The following NCR3LG1 variants were observed in gnomAD, a reference collection of about 807,000 sequenced individuals.
The protein encoded by NCR3LG1 is natural killer cell cytotoxicity receptor 3 ligand 1, also known as natural cytotoxicity triggering receptor 3 ligand 1.
NCR3LG1 carries 35 observed loss-of-function variants against 34.8 expected under a neutral mutation model. The ratio of observed to expected loss-of-function variants is 1.01; its 90% CI spans 0.77 to 1.33. The LOEUF is 1.33. Ranked by LOEUF, NCR3LG1 falls within the 40% of genes most tolerant of loss-of-function variation. NCR3LG1 has a pLI of 0.00. For synonymous variants in NCR3LG1, 173 were observed against 163.6 expected (o/e 1.06, Z -0.44); for missense variants, 452 against 423.3 (o/e 1.07, Z -0.60).
At position 17,368,973 on chromosome 11, in the gene NCR3LG1, C is replaced by T; in HGVS notation, c.858+9C>T. On this transcript the variant is annotated intron_variant, in intron 4 of 4. Coordinates refer to ENST00000338965, the MANE Select transcript of NCR3LG1 (RefSeq NM_001202439.3). ...TGATTCCTTGGAAAAAGGTAAGGGG[C>T]TCCAAAGCAAAGTTCAGCCCTGTGT... 6.6e-7 allele frequency: 1 copy of T among 1,509,960 alleles called. No homozygotes were observed. Among genetic ancestry groups the T allele is most frequent in the Non-Finnish European group, 8.9e-7 (1 of 1,125,362 alleles). 93.5% of individuals were successfully genotyped at this position (1,509,960 alleles called of 1,614,324 possible).
At chr11:17,363,689 C>A (rs1417312754) in intron 2 of NCR3LG1, among the ~76,000 whole-genome samples, 3 of 151,536 alleles carry the variant, frequency 2.0e-5, no homozygotes, top group Non-Finnish European at 4.4e-5. Context: ...CTAGTGGGCT[C>A]AAGCCCAAGT....
At chr11:17,357,966 G>A (rs57860856) in intron 2 of NCR3LG1, among the ~76,000 whole-genome samples, 165 of 152,222 alleles carry the variant, frequency 1.1e-3, no homozygotes, top group African/African-American at 3.5e-3. Context: ...GCCTCTCAAT[G>A]TGCTGGCATT....
intron 1 of NCR3LG1, among the ~76,000 whole-genome samples, chr11:17,354,545 C>CTTTTTTTTTT (rs71047545): frequency 2.0e-4 from 14 of 70,330 alleles, no homozygotes; most frequent in East Asian, 5.2e-4. Context: ...AATTCTTCTT[C>CTTTTTTTTTT]TTTTTTTTTT....
In NCR3LG1 at chr11:17,376,004, A is replaced by G. The variant is rs529656478; in HGVS notation, c.*3492A>G. On this transcript the variant is annotated 3_prime_UTR_variant, in exon 5 of 5. Transcript: ENST00000338965. Reference sequence around the variant, plus strand: ...CCTTTCACTTAGGAAAGCATAAGACATCAGTGCATCCAAAGATTGTTCTCA... The same window carrying G: ...CCTTTCACTTAGGAAAGCATAAGACGTCAGTGCATCCAAAGATTGTTCTCA... 6.6e-6 allele frequency: 1 copy of G among 152,230 alleles called. No homozygotes were observed. Among genetic ancestry groups the G allele is most frequent in the South Asian group, 2.1e-4 (1 of 4,828 alleles). The allele number at this position is 152,230 out of a possible 1,614,324, so 9.4% of individuals were successfully genotyped here.
chr11:17,358,279 A>G (rs1432239194), intron 2 of NCR3LG1, among the ~76,000 whole-genome samples: 2 of 152,166 alleles, frequency 1.3e-5, no homozygotes, highest in East Asian at 3.8e-4. Flanking sequence ...ACCACATTGC[A>G]TTTAATTGTT....
downstream of NCR3LG1, among the ~76,000 whole-genome samples, chr11:17,377,750 C>T (rs978095999): frequency 6.6e-6 from 1 of 152,190 alleles, no homozygotes; most frequent in Non-Finnish European, 1.5e-5. Context: ...TTAATCCTCC[C>T]TAGGCACTGG....
intron 1 of NCR3LG1, among the ~76,000 whole-genome samples, chr11:17,355,175 T>C (rs1953190563): frequency 6.6e-6 from 1 of 152,128 alleles, no homozygotes; most frequent in Non-Finnish European, 1.5e-5. Context: ...AATGAGAGGA[T>C]TGCTTGAGCC....
At chr11:17,364,124 C>A (rs991364341) in intron 2 of NCR3LG1, among the ~76,000 whole-genome samples, 6 of 151,990 alleles carry the variant, frequency 3.9e-5, no homozygotes, top group Non-Finnish European at 7.4e-5. Context: ...TTGCAGTATC[C>A]CACAGTTCTT....
chr11:17,362,772 C>T (rs868379079), intron 2 of NCR3LG1, among the ~76,000 whole-genome samples: 6 of 122,102 alleles, frequency 4.9e-5, no homozygotes, highest in African/African-American at 2.0e-4. Context: ...TTCTTTCCTT[C>T]CTTCCTTCTT....
chr11:17,370,414 G>A (rs954626339), intron 4 of NCR3LG1, among the ~76,000 whole-genome samples: 1 of 152,320 alleles, frequency 6.6e-6, no homozygotes, highest in Non-Finnish European at 1.5e-5. Context: ...GGGTGAGTAG[G>A]AGCGGACCTC....
At position 17,375,624 on chromosome 11, in the gene NCR3LG1, A is replaced by C. The variant is rs1399885771; in HGVS notation, c.*3112A>C. ...TCACCGCTAATGGGTCTTGCATTAAATACCATCAAGACATCAACAGGCTAT... is the reference window on the plus strand; with the variant it reads ...TCACCGCTAATGGGTCTTGCATTAACTACCATCAAGACATCAACAGGCTAT... On this transcript the variant is annotated 3_prime_UTR_variant, in exon 5 of 5. Transcript: ENST00000338965. The C allele has an allele frequency of 1.3e-5, 2 of 152,246 alleles. No individual in the cohort carries two copies. The highest frequency in any genetic ancestry group is 2.9e-5 in the Non-Finnish European group (2 of 68,052). 9.4% of individuals were successfully genotyped at this position (152,246 alleles called of 1,614,324 possible).
chr11:17,375,877 CGAG>C lies in NCR3LG1; in HGVS notation c.*3367_*3369del, dbSNP rs1953471181. On this transcript the variant is annotated 3_prime_UTR_variant, in exon 5 of 5. Coordinates refer to ENST00000338965, the MANE Select transcript of NCR3LG1 (RefSeq NM_001202439.3). ...TACAGAGATAGAATGGGCCACCTCT[CGAG>C]GTATACTTTTCAACCCTCAGGATGG... 6.6e-6 allele frequency: 1 copy of C among 152,092 alleles called. No individual in the cohort carries two copies. The highest frequency in any genetic ancestry group is 1.5e-5 in the Non-Finnish European group (1 of 68,022). The allele number at this position is 152,092 out of a possible 1,614,324, so 9.4% of individuals were successfully genotyped here.
At chr11:17,378,601 C>T (rs758062791), downstream of NCR3LG1, among the ~76,000 whole-genome samples, 4 of 152,132 alleles carry the variant, frequency 2.6e-5, no homozygotes, top group Non-Finnish European at 5.9e-5. Context: ...ACCCCAACGA[C>T]GCCCCCTTCC....
chr11:17,363,526 C>CCTTCCTTCCTTCCTTCCTT lies in NCR3LG1; in HGVS notation c.422-3482_422-3481insTTCCTTCCTTCCTTCCTTC, dbSNP rs1554898594. 2.2e-3 allele frequency among the ~76,000 whole-genome samples: 144 copies of CCTTCCTTCCTTCCTTCCTT among 65,286 alleles called. 2 individuals carry two copies. Among genetic ancestry groups the CCTTCCTTCCTTCCTTCCTT allele is most frequent in the African/African-American group, 4.8e-3 (57 of 11,850 alleles). 42.8% of individuals were successfully genotyped at this position (65,286 alleles called of 152,430 possible). ...TCCCTCCCTCCCTCCCTCCCTCCCT[C>CCTTCCTTCCTTCCTTCCTT]CCTCCCTCCCTCCCTCCCTTCCTTC... On this transcript the variant is annotated intron_variant, in intron 2 of 4. Coordinates refer to ENST00000338965, the MANE Select transcript of NCR3LG1 (RefSeq NM_001202439.3).
chr11:17,363,252 G>A (rs375401741), intron 2 of NCR3LG1, among the ~76,000 whole-genome samples: 6 of 151,742 alleles, frequency 4.0e-5, no homozygotes, highest in South Asian at 4.2e-4. Flanking sequence ...TATGTTTCTC[G>A]CACAGCAGGT....
intron 2 of NCR3LG1, among the ~76,000 whole-genome samples, chr11:17,365,488 T>C (rs1953335128): frequency 6.6e-6 from 1 of 152,248 alleles, no homozygotes; most frequent in South Asian, 2.1e-4. Context: ...AAGTGTTTCT[T>C]AGCCTTTTCT....
downstream of NCR3LG1, among the ~76,000 whole-genome samples, chr11:17,379,554 G>T (rs1953503088): frequency 6.6e-6 from 1 of 152,024 alleles, no homozygotes; most frequent in Middle Eastern, 3.2e-3. Context: ...AATGGTGCTG[G>T]GAGAAGAACA....
downstream of NCR3LG1, among the ~76,000 whole-genome samples, chr11:17,379,900 G>A (rs187701434): frequency 7.2e-5 from 11 of 152,206 alleles, no homozygotes; most frequent in South Asian, 2.1e-4. Context: ...GACCCCCTTC[G>A]AGAGAGAGCC....
intron 2 of NCR3LG1, among the ~76,000 whole-genome samples, chr11:17,364,073 T>G (rs1187763136): frequency 6.6e-6 from 1 of 152,194 alleles, no homozygotes; most frequent in Non-Finnish European, 1.5e-5. Context: ...TCCTTTCTCT[T>G]TTCTTCTTCT....
Sources: allele counts gnomAD v4.1 joint callset (sites outside exome capture counted in the v4.1 genomes callset), GRCh38; gene constraint gnomAD v4.1.1; transcripts MANE v1.5; gene names NCBI Gene and HGNC (gene_info 2026-07-23, HGNC 2026-07-21).